The following OCRL variants were observed in gnomAD, a reference collection of about 807,000 sequenced individuals.
OCRL encodes inositol polyphosphate 5-phosphatase OCRL.
OCRL carries 8 observed loss-of-function variants against 78.9 expected under a neutral mutation model. The ratio of observed to expected loss-of-function variants is 0.10; its 90% CI spans 0.06 to 0.18. The LOEUF is 0.18. OCRL is among the 10% of genes least tolerant of loss of function. The pLI is 1.00. For synonymous variants in OCRL, 240 were observed against 235.4 expected, an observed-to-expected ratio of 1.02 and a Z score of -0.18; for missense variants, 454 against 696.7, an observed-to-expected ratio of 0.65 and a Z score of 3.92.
intron 10 of OCRL, 34 bp from the exon 11 acceptor site, chrX:129,562,350 A>G: frequency 9.5e-7 from 1 of 1,049,841 alleles, no homozygotes; most frequent in Non-Finnish European, 1.3e-6. Flanking sequence ...ATTGGTATTA[A>G]CATTAACCTT....
intron 16 of OCRL, among the ~76,000 whole-genome samples, 192 bp downstream of exon 16, chrX:129,575,442 C>T (rs914475735): frequency 8.9e-5 from 10 of 111,910 alleles, no homozygotes; most frequent in African/African-American, 6.5e-5. Flanking sequence ...CGCTCAGAGC[C>T]GCAGTTTCCT....
chrX:129,588,345 T>C, intron 21 of OCRL, 82 bp downstream of exon 21: 1 of 682,125 alleles, frequency 1.5e-6, no homozygotes, highest in Non-Finnish European at 2.4e-6. Flanking sequence ...ATTTTTGTGG[T>C]TCTATATTTA....
intron 1 of OCRL, 100 bp downstream of exon 1, chrX:129,540,578 A>G: frequency 1.1e-6 from 1 of 906,604 alleles, no homozygotes; most frequent in Non-Finnish European, 1.5e-6. Flanking sequence ...CGGGTGGCCC[A>G]GAGGCCGAGC....
At chrX:129,560,434 G>T in intron 8 of OCRL, 116 bp from the exon 9 acceptor site, 1 of 463,588 alleles carries the variant, frequency 2.2e-6, no homozygotes. Flanking sequence ...AAAACATTTT[G>T]AGGAATTATG....
At position 129,562,645 on chromosome X, in the gene OCRL, C is replaced by A; in HGVS notation, c.1103C>A (p.Thr368Asn). The A allele has an allele frequency of 8.3e-7, 1 of 1,211,309 alleles. No homozygotes were observed. Among genetic ancestry groups the A allele is most frequent in the Non-Finnish European group, 1.1e-6 (1 of 895,125 alleles). ...VAVRFVFHNT[T>N]FCIVNSHLAA... is the part of the protein sequence containing the mutation. ...GTGAGATTTGTATTTCACAACACCA[C>A]CTTTTGCATTGTCAATTCCCATCTG... Residue 368 changes from threonine (T) to asparagine (N), a missense_variant, in exon 12 of 24, where the codon ACC becomes AAC. By Grantham distance (65) the Thr-to-Asn change is moderately conservative. Coordinates refer to ENST00000371113, the MANE Select transcript of OCRL (RefSeq NM_000276.4).
At chrX:129,558,240 A>G (rs754582275) in intron 6 of OCRL, among the ~76,000 whole-genome samples, 1 of 111,929 alleles carries the variant, frequency 8.9e-6, no homozygotes, top group African/African-American at 3.2e-5. Context: ...ACCTTCATCA[A>G]GTTACTCAAC....
At chrX:129,579,087 T>TAATCTGGA (rs1936408983) in intron 18 of OCRL, among the ~76,000 whole-genome samples, 1 of 111,713 alleles carries the variant, frequency 9.0e-6, no homozygotes, top group Non-Finnish European at 1.9e-5. Flanking sequence ...TCAGCTTCCC[T>TAATCTGGA]AATCTGGAAA....
intron 8 of OCRL, among the ~76,000 whole-genome samples, chrX:129,560,050 G>A (rs773183677): frequency 8.9e-6 from 1 of 112,049 alleles, no homozygotes; most frequent in East Asian, 2.8e-4. Context: ...AAACAGTTAA[G>A]ACAGTCATGA....
intron 12 of OCRL, among the ~76,000 whole-genome samples, chrX:129,565,453 A>G (rs1312287494): frequency 3.6e-5 from 4 of 112,171 alleles, no homozygotes; most frequent in African/African-American, 1.3e-4. Context: ...CAGCCAGGCA[A>G]AATTTTGAAG....
intron 9 of OCRL, 24 bp from the exon 10 acceptor site, chrX:129,561,155 A>C (rs1936139257): frequency 1.0e-6 from 1 of 960,682 alleles, no homozygotes; most frequent in Non-Finnish European, 1.5e-6. Context: ...ATATGTATAG[A>C]TCTCATATCC....
In OCRL at chrX:129,541,818, T is replaced by A. The variant is rs140671416; in HGVS notation, c.119+995T>A. On this transcript the variant is annotated intron_variant, in intron 2 of 23. Transcript: ENST00000371113. Reference sequence around the variant, plus strand: ...GCTGTCAGATTTACACGGAAGAAATTCCCACTGGCCCAACCTGCTCTTCTC... The same window carrying A: ...GCTGTCAGATTTACACGGAAGAAATACCCACTGGCCCAACCTGCTCTTCTC... Among the ~76,000 whole-genome samples, 664 of 112,062 alleles carry A rather than the reference T, an allele frequency of 5.9e-3. 1 individual carries two copies. The highest frequency in any genetic ancestry group is 9.4e-3 in the Non-Finnish European group (501 of 53,216).
chrX:129,580,139 A>G (rs984562372), intron 18 of OCRL, among the ~76,000 whole-genome samples: 11 of 112,663 alleles, frequency 9.8e-5, no homozygotes, highest in Admixed American at 9.4e-5. Flanking sequence ...CATTAACATG[A>G]CTGAGAAATA....
intron 18 of OCRL, among the ~76,000 whole-genome samples, chrX:129,579,636 C>T (rs1051997637): frequency 2.7e-5 from 3 of 111,864 alleles, no homozygotes; most frequent in African/African-American, 9.7e-5. Context: ...TTGAGATTAG[C>T]ACAAGTGGGA....
Position 129,560,851 on chromosome X carries a change from C to T in OCRL, c.824+200C>T, listed in dbSNP as rs772212031. ...GGAAGCATCTAATTTTCTTGAAACCCGTAGGAATCTATATATTCTGCATAG... is the reference window on the plus strand; with the variant it reads ...GGAAGCATCTAATTTTCTTGAAACCTGTAGGAATCTATATATTCTGCATAG... On this transcript the variant is annotated intron_variant, in intron 9 of 23. Transcript: ENST00000371113. Among the ~76,000 whole-genome samples, 5 of 112,488 alleles carry T rather than the reference C, an allele frequency of 4.4e-5. No homozygotes were observed. The South Asian group carries it at 1.1e-3, about 25-fold the overall frequency.
chrX:129,592,058 G>T lies in OCRL; in HGVS notation c.*1788G>T, dbSNP rs1422826249. The T allele has an allele frequency of 8.8e-6, 1 of 114,139 alleles. No homozygotes were observed. The highest frequency in any genetic ancestry group is 1.9e-5 in the Non-Finnish European group (1 of 53,392). The allele number at this position is 114,139 out of a possible 1,213,427, so 9.4% of individuals were successfully genotyped here. Reference sequence around the variant, plus strand: ...GTGTGGTTAGTGGAGGCTCTGTGCTGCACGTATGCAGTATCCTATCTCTTT... The same window carrying T: ...GTGTGGTTAGTGGAGGCTCTGTGCTTCACGTATGCAGTATCCTATCTCTTT... On this transcript the variant is annotated 3_prime_UTR_variant, in exon 24 of 24. Coordinates refer to ENST00000371113, the MANE Select transcript of OCRL (RefSeq NM_000276.4).
intron 5 of OCRL, among the ~76,000 whole-genome samples, 199 bp downstream of exon 5, chrX:129,557,634 T>C (rs1329075449): frequency 9.0e-6 from 1 of 111,217 alleles, no homozygotes; most frequent in Non-Finnish European, 1.9e-5. Flanking sequence ...AGGCAAGTTT[T>C]CAGAATATTC....
intron 22 of OCRL, chrX:129,589,391 T>C (rs144601641): frequency 7.1e-6 from 2 of 280,629 alleles, no homozygotes; most frequent in African/African-American, 5.5e-5. Context: ...CTGAAATGAT[T>C]TTAATGCACA....
intron 14 of OCRL, among the ~76,000 whole-genome samples, chrX:129,567,892 T>G (rs1936237963): frequency 9.1e-6 from 1 of 109,680 alleles, no homozygotes; most frequent in Admixed American, 9.7e-5. Context: ...GAACCACTGT[T>G]TAGTAGACCC....
chrX:129,565,421 C>T (rs1309468913), intron 12 of OCRL, among the ~76,000 whole-genome samples: 1 of 112,192 alleles, frequency 8.9e-6, no homozygotes, highest in Non-Finnish European at 1.9e-5. Context: ...TTCAGATTCT[C>T]TTCCCCTAAA....
Sources: gnomAD v4.1 joint callset for allele counts (sites outside exome capture counted in the v4.1 genomes callset) on GRCh38, gnomAD v4.1.1 for gene constraint, MANE v1.5 for transcripts, NCBI Gene and HGNC (gene_info 2026-07-23, HGNC 2026-07-21) for gene names.